Variants in PRKRIP1 observed in about 807,000 individuals in gnomAD.
The protein encoded by PRKRIP1 is PRKR-interacting protein 1.
In PRKRIP1, 29 loss-of-function variants were observed where a neutral mutation model predicts 29.3. The observed-to-expected ratio is 0.99, with a 90% CI of 0.74 to 1.35. The LOEUF is 1.35. PRKRIP1 is among the 40% of genes most tolerant of loss of function. The pLI is 0.00. For synonymous variants in PRKRIP1, 90 were observed against 85.1 expected (o/e 1.06, Z -0.32); for missense variants, 247 against 236.8 (o/e 1.04, Z -0.28).
intron 4 of PRKRIP1, 108 bp downstream of exon 4, chr7:102,404,791 T>TGCA: frequency 2.7e-6 from 2 of 753,170 alleles, no homozygotes; most frequent in Non-Finnish European, 4.4e-6. Flanking sequence ...GTAGGGGTCA[T>TGCA]GAATGTAGAG....
chr7:102,402,674 G>A (rs1236530263), intron 3 of PRKRIP1, among the ~76,000 whole-genome samples: 10 of 151,966 alleles, frequency 6.6e-5, no homozygotes, highest in Non-Finnish European at 1.2e-4. Flanking sequence ...TCTTATTTTG[G>A]ATGGCAAAAG....
intron 4 of PRKRIP1, among the ~76,000 whole-genome samples, chr7:102,405,255 C>T (rs781968745): frequency 3.3e-5 from 5 of 152,160 alleles, no homozygotes; most frequent in Non-Finnish European, 7.3e-5. Context: ...GGTGCTGCAA[C>T]CAAACTTCCC....
chr7:102,407,527 A>G (rs1554572017), intron 5 of PRKRIP1, 29 bp downstream of exon 5: 1 of 1,543,020 alleles, frequency 6.5e-7, no homozygotes, highest in South Asian at 1.1e-5. Flanking sequence ...TCTTGGCTGT[A>G]GCTTCTTTCT....
chr7:102,421,060 G>C (rs1435329748), intron 5 of PRKRIP1, among the ~76,000 whole-genome samples: 2 of 152,120 alleles, frequency 1.3e-5, no homozygotes, highest in African/African-American at 4.8e-5. Context: ...CTGCTTTGTT[G>C]TGTAAAGATA....
At chr7:102,415,433 G>A (rs1364738432) in intron 5 of PRKRIP1, among the ~76,000 whole-genome samples, 2 of 152,040 alleles carry the variant, frequency 1.3e-5, no homozygotes, top group African/African-American at 4.8e-5. Context: ...ATGGGGTTTC[G>A]CCATGTTGGC....
intron 5 of PRKRIP1, among the ~76,000 whole-genome samples, chr7:102,412,570 T>G (rs1297591365): frequency 3.3e-5 from 5 of 152,192 alleles, no homozygotes; most frequent in Non-Finnish European, 5.9e-5. Flanking sequence ...AGAAGTGGTT[T>G]GTATGCCACT....
intron 5 of PRKRIP1, among the ~76,000 whole-genome samples, chr7:102,408,548 G>C (rs934333650): frequency 1.3e-5 from 2 of 152,176 alleles, no homozygotes; most frequent in Non-Finnish European, 2.9e-5. Context: ...CTGTGAATAA[G>C]GGTGGGGGGC....
At chr7:102,404,965 C>A (rs541750701) in intron 4 of PRKRIP1, among the ~76,000 whole-genome samples, 1 of 151,198 alleles carries the variant, frequency 6.6e-6, no homozygotes, top group Non-Finnish European at 1.5e-5. Context: ...CTCACTGTGT[C>A]CCCCAGGCTG....
chr7:102,411,700 A>AT (rs1425928552), intron 5 of PRKRIP1, among the ~76,000 whole-genome samples: 1 of 151,382 alleles, frequency 6.6e-6, no homozygotes, highest in Non-Finnish European at 1.5e-5. Context: ...TCTATTTTTA[A>AT]TTTTTGTGTA....
At chr7:102,409,719 G>A (rs1234792356) in intron 5 of PRKRIP1, among the ~76,000 whole-genome samples, 2 of 152,188 alleles carry the variant, frequency 1.3e-5, no homozygotes, top group African/African-American at 2.4e-5. Context: ...ATCTAGTCTG[G>A]AGGCTGAGGC....
At chr7:102,418,382 G>T (rs1796609063) in intron 5 of PRKRIP1, among the ~76,000 whole-genome samples, 1 of 152,164 alleles carries the variant, frequency 6.6e-6, no homozygotes, top group African/African-American at 2.4e-5. Context: ...GTATTAAAAT[G>T]GTATTAAAAC....
intron 5 of PRKRIP1, among the ~76,000 whole-genome samples, chr7:102,422,061 G>A (rs1407337532): frequency 1.3e-5 from 2 of 151,878 alleles, no homozygotes; most frequent in Non-Finnish European, 2.9e-5. Context: ...GTGACGCCAA[G>A]CCACAGATCA....
chr7:102,412,280 G>A (rs559722695), intron 5 of PRKRIP1, among the ~76,000 whole-genome samples: 210 of 152,290 alleles, frequency 1.4e-3, no homozygotes, highest in African/African-American at 4.7e-3. Context: ...TTTGGGCTTG[G>A]ACTCTGGCTC....
chr7:102,421,331 C>T (rs551435452), intron 5 of PRKRIP1, among the ~76,000 whole-genome samples: 1 of 151,902 alleles, frequency 6.6e-6, no homozygotes, highest in African/African-American at 2.4e-5. Context: ...ATCACTTGAG[C>T]CCAGGAGTTC....
chr7:102,423,310 TC>T (rs1554574047), intron 5 of PRKRIP1: 11 of 387,422 alleles, frequency 2.8e-5, no homozygotes, highest in South Asian at 1.7e-4. Context: ...AGATGAGGTT[TC>T]CCCCATGTTG....
In PRKRIP1 at chr7:102,396,457, A is replaced by G. The variant is rs1795899451; in HGVS notation, c.46A>G (p.Lys16Glu). 1 of 1,608,292 alleles carries G rather than the reference A, an allele frequency of 6.2e-7. No homozygotes were observed. The highest frequency in any genetic ancestry group is 8.5e-7 in the Non-Finnish European group (1 of 1,178,666). The change falls in exon 1 of 6, where the codon AAA becomes GAA. Residue 16 changes from lysine (K) to glutamate (E), a missense_variant. Lys to Glu is a moderately conservative substitution (Grantham distance 56). Around this residue, in one of 3 missense-constraint regions of PRKRIP1, gnomAD observed 105 missense variants for 80.2 expected, o/e 1.31. Coordinates refer to ENST00000397912, the MANE Select transcript of PRKRIP1 (RefSeq NM_024653.4). ...CTCGGTGCGACCACCGAGGCCCAAGAAAGAGCCGCAGACGCTCGTCATCCC... is the reference window on the plus strand; with the variant it reads ...CTCGGTGCGACCACCGAGGCCCAAGGAAGAGCCGCAGACGCTCGTCATCCC... ...ASSVRPPRPK[K>E]EPQTLVIPKN...
chr7:102,409,933 GT>G (rs1416590221), intron 5 of PRKRIP1, among the ~76,000 whole-genome samples: 3 of 152,156 alleles, frequency 2.0e-5, no homozygotes, highest in African/African-American at 7.2e-5. Flanking sequence ...CTATTTGTGT[GT>G]TTAGTGACTT....
At position 102,396,419 on chromosome 7, in the gene PRKRIP1, G is replaced by C. The variant is rs201308962; in HGVS notation, c.8G>C (p.Ser3Thr). Residue 3 changes from serine (S) to threonine (T), a missense_variant, in exon 1 of 6, where the codon AGC becomes ACC. This residue lies in a region of PRKRIP1 where 105 missense variants were observed against 80.2 expected (regional missense o/e 1.31). Transcript: ENST00000397912. The stretch of plus-strand genomic sequence containing the variant: ...TGAAACTGGAAGGCTGCCATGGCTA[G>C]CCCAGCCGCCTCCTCGGTGCGACCA... MA[S>T]PAASSVRPPR... 35 of 1,582,014 alleles carry C rather than the reference G, an allele frequency of 2.2e-5. No individual in the cohort carries two copies. Among genetic ancestry groups the C allele is most frequent in the Non-Finnish European group, 2.9e-5 (34 of 1,170,304 alleles).
chr7:102,402,428 C>T (rs1219278818), intron 3 of PRKRIP1, among the ~76,000 whole-genome samples: 1 of 149,558 alleles, frequency 6.7e-6, no homozygotes, highest in African/African-American at 2.5e-5. Context: ...GTGAGCCAGA[C>T]GCTGTCTCAA....
Sources: gnomAD v4.1 joint callset for allele counts (sites outside exome capture counted in the v4.1 genomes callset) on GRCh38, gnomAD v4.1.1 for gene constraint, gnomAD v4.1.1 regional missense constraint, MANE v1.5 for transcripts, NCBI Gene and HGNC (gene_info 2026-07-23, HGNC 2026-07-21) for gene names.